The following SIMC1 variants were observed in gnomAD, a reference collection of about 807,000 sequenced individuals.
SIMC1 encodes SUMO-interacting motif-containing protein 1.
Under a neutral mutation model 82.3 loss-of-function variants are expected in SIMC1, and 55 were observed. The observed-to-expected ratio is 0.67, with a 90% confidence interval of 0.54 to 0.84. The LOEUF is 0.84. Ranked by LOEUF, SIMC1 falls within the 40% of genes least tolerant of loss-of-function variation. The pLI, the probability that SIMC1 is intolerant of heterozygous loss-of-function variation, is 0.00. For missense variants in SIMC1, 915 were observed against 1,107.2 expected (o/e 0.83, Z 2.46); for synonymous variants, 353 against 426.3 (o/e 0.83, Z 2.12).
intron 1 of SIMC1, among the ~76,000 whole-genome samples, chr5:176,251,600 T>A (rs1450203868): frequency 2.1e-4 from 32 of 151,668 alleles, no homozygotes; most frequent in African/African-American, 6.5e-4. Context: ...TTTTTTTTTT[T>A]ATTGATCATT....
chr5:176,276,708 T>G (rs894078907), intron 1 of SIMC1, among the ~76,000 whole-genome samples: 5 of 145,538 alleles, frequency 3.4e-5, no homozygotes, highest in Non-Finnish European at 6.1e-5. Flanking sequence ...TTTGGTTTTT[T>G]GTTCTTGCGA....
chr5:176,286,491 A>G (rs1763291441), intron 1 of SIMC1, among the ~76,000 whole-genome samples: 1 of 152,234 alleles, frequency 6.6e-6, no homozygotes, highest in African/African-American at 2.4e-5. Context: ...TTAATTCAAG[A>G]TGGATTAAAG....
intron 5 of SIMC1, among the ~76,000 whole-genome samples, chr5:176,316,273 T>C (rs1338438923): frequency 6.6e-6 from 1 of 151,830 alleles, no homozygotes; most frequent in Non-Finnish European, 1.5e-5. Flanking sequence ...GCATTAAGAG[T>C]GAGTGGGATA....
intron 6 of SIMC1, 90 bp downstream of exon 6, chr5:176,322,515 A>G: frequency 2.9e-6 from 4 of 1,381,338 alleles, no homozygotes; most frequent in Admixed American, 2.7e-5. Context: ...GCTTCCCCCA[A>G]ATTAACAAGA....
intron 4 of SIMC1, among the ~76,000 whole-genome samples, chr5:176,303,414 G>A (rs947470441): frequency 7.1e-6 from 1 of 140,284 alleles, no homozygotes; most frequent in Admixed American, 7.7e-5. Flanking sequence ...TACAACCTCC[G>A]CCTCCTGGGT....
In SIMC1 at chr5:176,313,779, G is replaced by T; in HGVS notation, c.1823G>T (p.Arg608Leu). 2 of 1,613,970 alleles carry T rather than the reference G, an allele frequency of 1.2e-6. No homozygotes were observed. The highest frequency in any genetic ancestry group is 1.7e-6 in the Non-Finnish European group (2 of 1,179,880). ...TTTCAGCAGACCCTGAGGAGGCAAC[G>T]GCAGCACCTGCAGCAATCCATTGCA... is the stretch of plus-strand genomic sequence containing the variant. ...DDFQQTLRRQ[R>L]QHLQQSIANM... The change falls in exon 5 of 10, where the codon CGG (arginine) becomes CTG (leucine). Residue 608 changes from arginine to leucine, a missense_variant. Coordinates refer to ENST00000429602, the MANE Select transcript of SIMC1 (RefSeq NM_001308195.2).
chr5:176,308,240 C>T (rs1015257895), intron 4 of SIMC1: 16 of 1,540,610 alleles, frequency 1.0e-5, no homozygotes, highest in South Asian at 4.5e-5. Flanking sequence ...AACTGAAATG[C>T]GCACAGTTGC....
intron 5 of SIMC1, among the ~76,000 whole-genome samples, chr5:176,316,643 C>T (rs573467489): frequency 2.0e-5 from 3 of 150,072 alleles, no homozygotes; most frequent in South Asian, 2.1e-4. Context: ...GAGCTGAGAT[C>T]GCGCCATTGC....
chr5:176,304,643 C>T (rs1256724970), intron 4 of SIMC1, among the ~76,000 whole-genome samples: 7 of 146,636 alleles, frequency 4.8e-5, no homozygotes, highest in Non-Finnish European at 7.6e-5. Context: ...TCTGCCTGGC[C>T]GCCCATCGTC....
intron 1 of SIMC1, among the ~76,000 whole-genome samples, chr5:176,283,652 A>G (rs1392956919): frequency 2.0e-5 from 3 of 152,238 alleles, no homozygotes; most frequent in Non-Finnish European, 4.4e-5. Context: ...TCATAATGAC[A>G]GGATCAAATT....
At chr5:176,247,955 C>T (rs930033965) in intron 1 of SIMC1, among the ~76,000 whole-genome samples, 6 of 151,612 alleles carry the variant, frequency 4.0e-5, no homozygotes, top group Non-Finnish European at 5.9e-5. Flanking sequence ...TGTTCTGTTC[C>T]GTTGGTCTAT....
chr5:176,255,252 A>G (rs1180081644), intron 1 of SIMC1, among the ~76,000 whole-genome samples: 1 of 150,188 alleles, frequency 6.7e-6, no homozygotes, highest in Non-Finnish European at 1.5e-5. Context: ...TCAAAAAAAA[A>G]AGAACCAATA....
rs111706952 is a variant in SIMC1, at chr5:176,345,585, C to T, written c.*140C>T. The T allele has an allele frequency of 4.4e-6, 4 of 904,546 alleles. No homozygotes were observed. The highest frequency in any genetic ancestry group is 2.1e-5 in the South Asian group (1 of 46,878). 56.0% of individuals were successfully genotyped at this position (904,546 alleles called of 1,614,324 possible). On this transcript the variant is annotated 3_prime_UTR_variant, in exon 10 of 10. Coordinates refer to ENST00000429602, the MANE Select transcript of SIMC1 (RefSeq NM_001308195.2). ...TTAATCAGTAGGTTGTAATTTCTAA[C>T]TCTAGTAAATATCTTTTTTTAAATA... is the stretch of plus-strand genomic sequence containing the variant.
At chr5:176,248,349 A>T (rs555132174) in intron 1 of SIMC1, among the ~76,000 whole-genome samples, 96 of 152,078 alleles carry the variant, frequency 6.3e-4, no homozygotes, top group Middle Eastern at 3.4e-3. Context: ...ATTCCTAGGT[A>T]TTCTATTCTC....
intron 9 of SIMC1, among the ~76,000 whole-genome samples, chr5:176,343,456 G>A (rs1341385520): frequency 6.6e-6 from 1 of 152,186 alleles, no homozygotes; most frequent in African/African-American, 2.4e-5. Flanking sequence ...ATTGGGGCTG[G>A]CCTGTAGATT....
chr5:176,345,488 T>C lies in SIMC1; in HGVS notation c.*43T>C, dbSNP rs545559109. 6.4e-7 allele frequency: 1 copy of C among 1,564,700 alleles called. No individual in the cohort carries two copies. On this transcript the variant is annotated 3_prime_UTR_variant, in exon 10 of 10. Coordinates refer to ENST00000429602, the MANE Select transcript of SIMC1 (RefSeq NM_001308195.2). ...AATGCCAAGAATACCTCCTGAACTC[T>C]CTCTCCAACTGCTCAGAAGCTCTAA... is the stretch of plus-strand genomic sequence containing the variant.
intron 1 of SIMC1, among the ~76,000 whole-genome samples, chr5:176,244,506 A>C (rs949984811): frequency 1.2e-4 from 18 of 151,586 alleles, no homozygotes; most frequent in Non-Finnish European, 2.5e-4. Context: ...AAGAGGAAGA[A>C]CATCCAGAAC....
At chr5:176,311,510 T>C (rs929951740) in intron 4 of SIMC1, among the ~76,000 whole-genome samples, 1 of 151,894 alleles carries the variant, frequency 6.6e-6, no homozygotes, top group African/African-American at 2.4e-5. Flanking sequence ...CCCAGAGTTC[T>C]GAGATCACAG....
intron 1 of SIMC1, among the ~76,000 whole-genome samples, chr5:176,261,456 A>G (rs1029324907): frequency 7.2e-5 from 11 of 152,206 alleles, no homozygotes; most frequent in Non-Finnish European, 1.3e-4. Flanking sequence ...TAAAAGGTGT[A>G]TGATGGCTGG....
Sources: allele counts gnomAD v4.1 joint callset (sites outside exome capture counted in the v4.1 genomes callset), GRCh38; gene constraint gnomAD v4.1.1; transcripts MANE v1.5; gene names NCBI Gene and HGNC (gene_info 2026-07-23, HGNC 2026-07-21).